RRN3: variants seen among roughly 807,000 people sequenced by gnomAD.
RRN3 encodes RNA polymerase I-specific transcription initiation factor RRN3.
In RRN3, 38 loss-of-function variants were observed where a neutral mutation model predicts 82.3. The ratio of observed to expected loss-of-function variants is 0.46; its 90% CI spans 0.36 to 0.61. The LOEUF (loss-of-function observed/expected upper bound fraction) is 0.61, where lower values mean the gene tolerates loss of function less well. Among genes scored for constraint, RRN3 ranks in the 20% least tolerant of loss-of-function variants. RRN3 has a pLI of 0.00. For synonymous variants in RRN3, 284 were observed against 284.3 expected, an observed-to-expected ratio of 1.00 and a Z score of 0.01; for missense variants, 726 against 793.1, an observed-to-expected ratio of 0.92 and a Z score of 1.02.
At chr16:15,065,635 G>A (rs534265553) in intron 15 of RRN3, among the ~76,000 whole-genome samples, 1 of 152,060 alleles carries the variant, frequency 6.6e-6, no homozygotes, top group African/African-American at 2.4e-5. Context: ...ATGAGTAATA[G>A]ATATTATTCA....
At chr16:15,074,193 T>C (rs181898158) in intron 11 of RRN3, among the ~76,000 whole-genome samples, 17 of 152,328 alleles carry the variant, frequency 1.1e-4, no homozygotes, top group Non-Finnish European at 2.2e-4. Context: ...AAAACAGTAA[T>C]GCAGTCAACT....
chr16:15,079,764 T>G (rs2045618132), intron 9 of RRN3, among the ~76,000 whole-genome samples: 1 of 152,130 alleles, frequency 6.6e-6, no homozygotes, highest in Admixed American at 6.6e-5. Flanking sequence ...GGCTAATTTT[T>G]TATTTGTATT....
In RRN3 at chr16:15,080,044, C is replaced by T. The variant is rs746631433; in HGVS notation, c.719G>A (p.Arg240Lys). The T allele has an allele frequency of 1.2e-6, 2 of 1,601,992 alleles. No individual in the cohort carries two copies. The highest frequency in any genetic ancestry group is 2.7e-5 in the African/African-American group (2 of 74,550). Reference sequence around the variant, plus strand: ...AATAATAAGCTCCAGAATTTCATGCCTCAAGGTTGGAAAATATACACTAAT... The same window carrying T: ...AATAATAAGCTCCAGAATTTCATGCTTCAAGGTTGGAAAATATACACTAAT... ...LRISVYFPTL[R>K]HEILELIIEK... The change falls in exon 9 of 18, where the codon AGG becomes AAG. Residue 240 changes from arginine (R) to lysine (K), a missense_variant. Coordinates refer to ENST00000198767, the MANE Select transcript of RRN3 (RefSeq NM_018427.5).
chr16:15,091,273 G>A, intron 3 of RRN3, 42 bp downstream of exon 3: 1 of 1,604,802 alleles, frequency 6.2e-7, no homozygotes, highest in Non-Finnish European at 8.5e-7. Flanking sequence ...TCTGTATACA[G>A]TGGCAATAAT....
rs772540101 is a variant in RRN3 at position 15,094,164 on chromosome 16, G to A, written c.70C>T (p.Leu24=). ...AAASSSAVKK[L]GASRTGISNM... is the part of the protein sequence containing the mutation. ...TCTTACCCAGTCCTCGACGCGCCCA[G>A]CTTCTTAACTGCAGAGGACGAAGCG... The change falls in exon 1 of 18, where the codon CTG becomes TTG. Residue 24 remains leucine (L), a synonymous_variant. Transcript: ENST00000198767. The A allele has an allele frequency of 6.2e-6, 10 of 1,601,710 alleles. No individual in the cohort carries two copies. The highest frequency in any genetic ancestry group is 7.7e-6 in the Non-Finnish European group (9 of 1,174,356).
rs2045842754 is a variant in RRN3, at chr16:15,084,635, T to C, written c.596+7A>G. 6.3e-7 allele frequency: 1 copy of C among 1,580,672 alleles called. No homozygotes were observed. Among genetic ancestry groups the C allele is most frequent in the African/African-American group, 1.3e-5 (1 of 74,452 alleles). ...TAAACATTCAAAATAAGGAAAAGTA[T>C]ACTCACGATGGTACATATCTTGCTA... On this transcript the variant is annotated splice_region_variant and intron_variant, in intron 7 of 17. Coordinates refer to ENST00000198767, the MANE Select transcript of RRN3 (RefSeq NM_018427.5).
At chr16:15,085,602 G>C (rs371739855) in intron 6 of RRN3, 37 bp downstream of exon 6, 2 of 1,602,386 alleles carry the variant, frequency 1.2e-6, no homozygotes, top group African/African-American at 2.7e-5. Context: ...ATGGGTGAAA[G>C]CTACTGTGCC....
rs779709301 is a variant in RRN3 at position 15,071,109 on chromosome 16, T to G, written c.1259+12A>C. 6.3e-7 allele frequency: 1 copy of G among 1,593,874 alleles called. No homozygotes were observed. Among genetic ancestry groups the G allele is most frequent in the South Asian group, 1.1e-5 (1 of 87,600 alleles). On this transcript the variant is annotated intron_variant, in intron 13 of 17. Coordinates refer to ENST00000198767, the MANE Select transcript of RRN3 (RefSeq NM_018427.5). ...TGATATTAAAAAGTATTCGGAAAATTAGGCTACTTACATAAGAGGAATAAA... is the reference window on the plus strand; with the variant it reads ...TGATATTAAAAAGTATTCGGAAAATGAGGCTACTTACATAAGAGGAATAAA...
In RRN3 at chr16:15,084,662, T is replaced by A; in HGVS notation, c.576A>T (p.Ile192=). Residue 192 remains isoleucine (I), a synonymous_variant, in exon 7 of 18, where the codon ATA becomes ATT. Transcript: ENST00000198767. ...CTCACGATGGTACATATCTTGCTAT[T>A]ATTTGCAAGGCTCTGTGACATGTGT... ...NFDTCHRALQ[I]IARYVPSTPW... is the part of the protein sequence containing the mutation. 6.2e-7 allele frequency: 1 copy of A among 1,612,282 alleles called. No homozygotes were observed. Among genetic ancestry groups the A allele is most frequent in the South Asian group, 1.1e-5 (1 of 91,044 alleles).
intron 3 of RRN3, among the ~76,000 whole-genome samples, chr16:15,091,058 T>A (rs1166528352): frequency 6.6e-6 from 1 of 152,084 alleles, no homozygotes; most frequent in Non-Finnish European, 1.5e-5. Context: ...CACTGTGAGA[T>A]GTTTAGCAGC....
rs11419800 is a variant in RRN3, at chr16:15,076,980, CT to C, written c.766-331del. Among the ~76,000 whole-genome samples the C allele has an allele frequency of 9.5e-4, 136 of 143,872 alleles. 2 individuals are homozygous for C. Among genetic ancestry groups the C allele is most frequent in the Middle Eastern group, 3.6e-3 (1 of 278 alleles). The allele number at this position is 143,872 out of a possible 152,430, so 94.4% of individuals were successfully genotyped here. On this transcript the variant is annotated intron_variant, in intron 9 of 17. Transcript: ENST00000198767. ...TGGCTCTGTGTCCCCACCCAAATCA[CT>C]TTTTTTTTTTTTTTTGAGGCAGAGT...
At chr16:15,086,313 T>C in intron 4 of RRN3, 52 bp downstream of exon 4, 1 of 1,606,802 alleles carries the variant, frequency 6.2e-7, no homozygotes, top group Non-Finnish European at 8.5e-7. Flanking sequence ...ACATATACTA[T>C]TACCAAAGTT....
intron 8 of RRN3, 28 bp downstream of exon 8, chr16:15,083,485 T>C (rs746235800): frequency 1.9e-6 from 3 of 1,607,056 alleles, no homozygotes; most frequent in South Asian, 1.1e-5. Flanking sequence ...AACTTTTCCA[T>C]GATGTTCTCA....
At chr16:15,085,515 A>C (rs2045881375) in intron 6 of RRN3, 124 bp downstream of exon 6, 6 of 1,312,604 alleles carry the variant, frequency 4.6e-6, no homozygotes, top group Non-Finnish European at 5.3e-6. Context: ...ACAAGGTCTC[A>C]CTATGTTGCC....
chr16:15,072,575 G>T (rs1161751081), intron 12 of RRN3, among the ~76,000 whole-genome samples: 2 of 152,020 alleles, frequency 1.3e-5, no homozygotes, highest in Non-Finnish European at 2.9e-5. Context: ...GCAGGAGGCG[G>T]GCAGATCACT....
intron 3 of RRN3, among the ~76,000 whole-genome samples, chr16:15,090,046 T>C (rs1249414039): frequency 1.3e-5 from 2 of 151,606 alleles, no homozygotes; most frequent in Non-Finnish European, 2.9e-5. Flanking sequence ...CCGTTTCTAC[T>C]AAAAATAAAA....
chr16:15,086,878 C>A (rs1387784935), intron 3 of RRN3, among the ~76,000 whole-genome samples: 1 of 152,180 alleles, frequency 6.6e-6, no homozygotes, highest in African/African-American at 2.4e-5. Flanking sequence ...TCAGTCGAGG[C>A]TGATCAATTG....
chr16:15,074,947 C>G (rs2045388517), intron 10 of RRN3, 86 bp from the exon 11 acceptor site: 1 of 1,320,564 alleles, frequency 7.6e-7, no homozygotes, highest in South Asian at 1.5e-5. Flanking sequence ...TGATTATTTC[C>G]CTTAAAAGAT....
In RRN3 at chr16:15,094,203, G is replaced by A. The variant is rs201504364; in HGVS notation, c.31C>T (p.Pro11Ser). The change falls in exon 1 of 18, where the codon CCG (proline) becomes TCG (serine). Residue 11 changes from proline (P) to serine (S), a missense_variant. Coordinates refer to ENST00000198767, the MANE Select transcript of RRN3 (RefSeq NM_018427.5). Reference protein sequence around the residue: MAAPLLHTRLPGDAAASSSAV... With the variant: MAAPLLHTRLSGDAAASSSAV... ...GAGGACGAAGCGGCCGCATCTCCCGGCAAACGCGTGTGAAGCAGCGGTGCC... is the reference window on the plus strand; with the variant it reads ...GAGGACGAAGCGGCCGCATCTCCCGACAAACGCGTGTGAAGCAGCGGTGCC... The A allele has an allele frequency of 7.3e-5, 116 of 1,598,152 alleles. No homozygotes were observed. The highest frequency in any genetic ancestry group is 1.9e-4 in the South Asian group (17 of 88,328).
Sources: gnomAD v4.1 joint callset for allele counts (sites outside exome capture counted in the v4.1 genomes callset) on GRCh38, gnomAD v4.1.1 for gene constraint, MANE v1.5 for transcripts, NCBI Gene and HGNC (gene_info 2026-07-23, HGNC 2026-07-21) for gene names.